Variants in GALNT13 observed in about 807,000 individuals in gnomAD.
GALNT13 encodes the protein UDP-GalNAc:polypeptide N-acetylgalactosaminyltransferase 13.
GALNT13 carries 28 observed loss-of-function variants against 64.2 expected under a neutral mutation model. That is an observed-to-expected ratio of 0.44 (90% CI 0.32 to 0.60). GALNT13 has a LOEUF of 0.60. Ranked by LOEUF, GALNT13 falls within the 20% of genes least tolerant of loss-of-function variation. The pLI is 0.05. For missense variants in GALNT13, 577 were observed against 669.8 expected (o/e 0.86, Z 1.53); for synonymous variants, 214 against 224.6 (o/e 0.95, Z 0.42).
chr2:154,371,323 G>A (rs1444549799), intron 9 of GALNT13, among the ~76,000 whole-genome samples: 1 of 152,078 alleles, frequency 6.6e-6, no homozygotes, highest in East Asian at 1.9e-4. Context: ...TGAAGCTGGA[G>A]TATTTTTAAT....
At chr2:153,908,434 C>T (rs893555828) in intron 2 of GALNT13, among the ~76,000 whole-genome samples, 1 of 152,048 alleles carries the variant, frequency 6.6e-6, no homozygotes, top group Non-Finnish European at 1.5e-5. Flanking sequence ...GTTGCAATTG[C>T]TTTTGGTGTT....
At chr2:154,079,120 A>C (rs1334915390) in intron 3 of GALNT13, among the ~76,000 whole-genome samples, 1 of 151,700 alleles carries the variant, frequency 6.6e-6, no homozygotes, top group East Asian at 1.9e-4. Context: ...TGGCAGCTCT[A>C]CTGGTATATG....
intron 10 of GALNT13, among the ~76,000 whole-genome samples, chr2:154,405,714 G>A (rs553807741): frequency 7.9e-5 from 12 of 151,784 alleles, no homozygotes; most frequent in South Asian, 2.1e-4. Context: ...ACTGTATCTC[G>A]AAAAATAAAA....
At chr2:153,972,854 C>A (rs1693833875) in intron 3 of GALNT13, among the ~76,000 whole-genome samples, 1 of 151,910 alleles carries the variant, frequency 6.6e-6, no homozygotes, top group South Asian at 2.1e-4. Context: ...AGTGGCCTCA[C>A]TGATAGAATT....
intron 4 of GALNT13, among the ~76,000 whole-genome samples, chr2:154,144,432 T>G (rs1683448093): frequency 6.6e-6 from 1 of 152,182 alleles, no homozygotes; most frequent in South Asian, 2.1e-4. Context: ...ATAGATACAT[T>G]AAGCTAGCAC....
the GALNT13 span, among the ~76,000 whole-genome samples, chr2:153,764,207 A>G: frequency 7.9e-5 from 12 of 152,088 alleles, no homozygotes; most frequent in African/African-American, 2.7e-4. Flanking sequence ...GATTTAGGGT[A>G]TCTGGTGGGA....
chr2:153,129,902 G>C, the GALNT13 span, among the ~76,000 whole-genome samples: 1 of 152,158 alleles, frequency 6.6e-6, no homozygotes, highest in Non-Finnish European at 1.5e-5. Context: ...ATTAGGATTA[G>C]AATAAGTCTT....
chr2:154,111,726 A>G (rs1702996742), intron 3 of GALNT13, among the ~76,000 whole-genome samples: 1 of 152,102 alleles, frequency 6.6e-6, no homozygotes, highest in African/African-American at 2.4e-5. Context: ...AGAGCACCAT[A>G]TATTGGACGC....
At chr2:153,225,100 C>T in the GALNT13 span, among the ~76,000 whole-genome samples, 15 of 152,156 alleles carry the variant, frequency 9.9e-5, no homozygotes, top group South Asian at 8.3e-4. Context: ...ATTAGAAGGA[C>T]GAATCCAACA....
At chr2:153,100,343 G>A in the GALNT13 span, among the ~76,000 whole-genome samples, 6 of 152,214 alleles carry the variant, frequency 3.9e-5, no homozygotes, top group Non-Finnish European at 1.5e-5. Context: ...GAATGGTGAG[G>A]AAAGCATTCC....
intron 9 of GALNT13, among the ~76,000 whole-genome samples, chr2:154,355,435 G>A (rs998545222): frequency 5.3e-5 from 8 of 152,142 alleles, no homozygotes; most frequent in Middle Eastern, 3.4e-3. Context: ...TTTAGTTCAC[G>A]AAGCGCATCA....
At chr2:154,091,335 A>G (rs73003227) in intron 3 of GALNT13, among the ~76,000 whole-genome samples, 3,244 of 152,046 alleles carry the variant, frequency 0.021, 128 homozygotes, top group African/African-American at 0.073. Context: ...CTTACTACTG[A>G]CTTGAATGAA....
At chr2:153,517,223 C>T in the GALNT13 span, among the ~76,000 whole-genome samples, 2 of 152,246 alleles carry the variant, frequency 1.3e-5, no homozygotes, top group East Asian at 3.9e-4. Flanking sequence ...TAGGTCTCAA[C>T]CATGAAACTG....
the GALNT13 span, among the ~76,000 whole-genome samples, chr2:153,804,585 C>T: frequency 2.6e-5 from 4 of 152,004 alleles, no homozygotes; most frequent in Non-Finnish European, 4.4e-5. Flanking sequence ...ATTAAAAAAA[C>T]TCGTGACTAA....
At chr2:154,271,613 C>T (rs1014260590) in intron 8 of GALNT13, among the ~76,000 whole-genome samples, 2 of 151,884 alleles carry the variant, frequency 1.3e-5, no homozygotes, top group African/African-American at 4.8e-5. Flanking sequence ...CATGACCTCA[C>T]AAAATCTCAT....
chr2:154,394,203 A>G (rs908430261), intron 9 of GALNT13, among the ~76,000 whole-genome samples: 4 of 151,454 alleles, frequency 2.6e-5, no homozygotes, highest in Non-Finnish European at 4.4e-5. Flanking sequence ...GGCCACTGTG[A>G]CCCATGTGCC....
the GALNT13 span, among the ~76,000 whole-genome samples, chr2:153,742,227 A>C: frequency 6.6e-6 from 1 of 152,076 alleles, no homozygotes; most frequent in East Asian, 1.9e-4. Context: ...AACATGCACT[A>C]TTTGTCTTTC....
intron 9 of GALNT13, among the ~76,000 whole-genome samples, chr2:154,354,660 G>A (rs1032661240): frequency 6.0e-5 from 9 of 151,216 alleles, no homozygotes; most frequent in Admixed American, 1.3e-4. Context: ...TGCAAGCACC[G>A]TTTATCGAAG....
chr2:153,629,669 C>T, the GALNT13 span, among the ~76,000 whole-genome samples: 1 of 151,962 alleles, frequency 6.6e-6, no homozygotes, highest in African/African-American at 2.4e-5. Context: ...AACTAAAGAG[C>T]TTCTGCACAG....
Sources: gnomAD v4.1 joint callset for allele counts (sites outside exome capture counted in the v4.1 genomes callset) on GRCh38, gnomAD v4.1.1 for gene constraint, MANE v1.5 for transcripts, NCBI Gene and HGNC (gene_info 2026-07-23, HGNC 2026-07-21) for gene names.